The following ADAMTSL1 variants were observed in gnomAD, a reference collection of about 807,000 sequenced individuals.
ADAMTSL1 encodes ADAMTS like 1.
ADAMTSL1 carries 126 observed loss-of-function variants against 201.8 expected under a neutral mutation model. That is an observed-to-expected ratio of 0.62 (90% CI 0.54 to 0.72). ADAMTSL1 has a LOEUF of 0.72. ADAMTSL1 is among the 30% of genes least tolerant of loss of function. The probability of loss-of-function intolerance (pLI) is 0.00; values close to 1 mark genes in which losing one functional copy is unlikely to be tolerated. For synonymous variants in ADAMTSL1, 1,121 were observed against 903.4 expected, an observed-to-expected ratio of 1.24 and a Z score of -4.32; for missense variants, 2,679 against 2,277.8, an observed-to-expected ratio of 1.18 and a Z score of -3.59.
At chr9:18,473,203 G>T (rs1821288468), upstream of ADAMTSL1, among the ~76,000 whole-genome samples, 1 of 152,170 alleles carries the variant, frequency 6.6e-6, no homozygotes, top group Admixed American at 6.5e-5. Flanking sequence ...GAGGTGCGGA[G>T]GAAGCTGAAA....
At chr9:18,466,895 A>G (rs1408607155) in intron 2 of ADAMTSL1, among the ~76,000 whole-genome samples, 1 of 152,112 alleles carries the variant, frequency 6.6e-6, no homozygotes, top group South Asian at 2.1e-4. Context: ...CCGTGGTTTA[A>G]TTGCTGCTCT....
At chr9:18,161,430 G>C (rs1206987003) in intron 1 of ADAMTSL1, among the ~76,000 whole-genome samples, 1 of 151,990 alleles carries the variant, frequency 6.6e-6, no homozygotes, top group Admixed American at 6.6e-5. Flanking sequence ...CACCATTTTG[G>C]ATAATAGAAT....
chr9:18,384,100 A>T (rs77702125), intron 2 of ADAMTSL1, among the ~76,000 whole-genome samples: 5,969 of 152,188 alleles, frequency 0.039, 143 homozygotes, highest in Middle Eastern at 0.095. Flanking sequence ...GGCTATAAAG[A>T]CCTGATGCTG....
At chr9:18,406,894 C>A (rs1348590643) in intron 2 of ADAMTSL1, among the ~76,000 whole-genome samples, 2 of 151,950 alleles carry the variant, frequency 1.3e-5, no homozygotes, top group African/African-American at 4.8e-5. Flanking sequence ...AAACAGGGGT[C>A]ATAATAATAA....
At chr9:18,853,968 A>G (rs951387140) in intron 23 of ADAMTSL1, among the ~76,000 whole-genome samples, 1 of 151,150 alleles carries the variant, frequency 6.6e-6, no homozygotes, top group South Asian at 2.1e-4. Flanking sequence ...TACACGCAGG[A>G]TTTGTCTCCA....
At chr9:18,536,667 C>G (rs922502155) in intron 3 of ADAMTSL1, among the ~76,000 whole-genome samples, 2 of 152,120 alleles carry the variant, frequency 1.3e-5, no homozygotes, top group African/African-American at 4.8e-5. Flanking sequence ...CAGTTCCCTG[C>G]TCTATTCTAA....
In ADAMTSL1 at chr9:18,474,258, C is replaced by T. The variant is rs1197590057; in HGVS notation, c.26C>T (p.Pro9Leu). Residue 9 changes from proline to leucine, a missense_variant, in exon 1 of 29, where the codon CCT becomes CTT. Physicochemically the swap from Pro to Leu is moderately conservative, Grantham distance 98. Transcript: ENST00000380548. The part of the protein sequence containing the change: MECCRRAT[P>L]GTLLLFLAFL... ...ATGGAATGCTGCCGTCGGGCAACTC[C>T]TGGCACACTGCTCCTCTTTCTGGCT... 1.2e-6 allele frequency: 2 copies of T among 1,614,176 alleles called. No homozygotes were observed. Among genetic ancestry groups the T allele is most frequent in the Admixed American group, 1.7e-5 (1 of 60,020 alleles).
intron 1 of ADAMTSL1, among the ~76,000 whole-genome samples, chr9:18,138,863 G>A (rs1231064812): frequency 6.6e-6 from 1 of 152,102 alleles, no homozygotes; most frequent in Admixed American, 6.6e-5. Flanking sequence ...CAAGTGGATT[G>A]CACCATAGCC....
At chr9:18,038,100 GACC>G (rs1821280485) in intron 1 of ADAMTSL1, among the ~76,000 whole-genome samples, 1 of 152,190 alleles carries the variant, frequency 6.6e-6, no homozygotes, top group African/African-American at 2.4e-5. Flanking sequence ...GGATGTCACT[GACC>G]TGGCTTCCCG....
intron 3 of ADAMTSL1, among the ~76,000 whole-genome samples, chr9:18,538,227 T>C (rs1470627623): frequency 1.3e-5 from 2 of 152,016 alleles, no homozygotes; most frequent in Non-Finnish European, 2.9e-5. Flanking sequence ...AGGATTTGGG[T>C]ATGTTCTAGA....
chr9:18,180,535 A>G (rs1266129287), intron 2 of ADAMTSL1, among the ~76,000 whole-genome samples: 1 of 101,700 alleles, frequency 9.8e-6, no homozygotes, highest in African/African-American at 2.9e-5. Flanking sequence ...TCCGTGTCAA[A>G]AAAAAAAAAA....
chr9:18,844,251 A>T (rs1825935259), intron 23 of ADAMTSL1, among the ~76,000 whole-genome samples: 1 of 152,100 alleles, frequency 6.6e-6, no homozygotes. Context: ...TTTCCTTCTA[A>T]CAGACAGGAC....
At chr9:18,511,586 A>G (rs1242709119) in intron 2 of ADAMTSL1, among the ~76,000 whole-genome samples, 2 of 152,284 alleles carry the variant, frequency 1.3e-5, no homozygotes, top group African/African-American at 2.4e-5. Context: ...ATAAATACAG[A>G]AAAAGTAAAA....
chr9:18,123,447 C>T (rs535770120), intron 1 of ADAMTSL1, among the ~76,000 whole-genome samples: 9 of 152,240 alleles, frequency 5.9e-5, no homozygotes, highest in African/African-American at 2.2e-4. Flanking sequence ...GATCCCAGAG[C>T]AAATGAAGAG....
chr9:18,473,486 C>T (rs1160273524), upstream of ADAMTSL1, among the ~76,000 whole-genome samples: 1 of 151,988 alleles, frequency 6.6e-6, no homozygotes, highest in African/African-American at 2.4e-5. Context: ...GTTTTTTTCC[C>T]CCCAAATTAA....
At chr9:18,323,902 C>T (rs146507719) in intron 2 of ADAMTSL1, among the ~76,000 whole-genome samples, 76 of 152,208 alleles carry the variant, frequency 5.0e-4, no homozygotes, top group African/African-American at 1.7e-3. Context: ...TGCCAACTCT[C>T]CTCAAATTGA....
chr9:18,776,829 G>C lies in ADAMTSL1; in HGVS notation c.2600G>C (p.Arg867Thr), dbSNP rs900802938. The change falls in exon 19 of 29, where the codon AGG becomes ACG. Residue 867 changes from arginine to threonine, a missense_variant. By Grantham distance (71) the Arg-to-Thr change is moderately conservative. Transcript: ENST00000380548. ...CACAGCCCGCACATCGCGGCCGCCAGGAAGGTCTACATACAGACTCGCAGG... is the reference window on the plus strand; with the variant it reads ...CACAGCCCGCACATCGCGGCCGCCACGAAGGTCTACATACAGACTCGCAGG... ...TKHSPHIAAA[R>T]KVYIQTRRQR... 6.3e-7 allele frequency: 1 copy of C among 1,588,922 alleles called. No homozygotes were observed. The highest frequency in any genetic ancestry group is 1.1e-5 in the South Asian group (1 of 87,900).
chr9:18,601,624 T>G (rs1008028484), intron 4 of ADAMTSL1, among the ~76,000 whole-genome samples: 2 of 152,216 alleles, frequency 1.3e-5, no homozygotes, highest in African/African-American at 2.4e-5. Flanking sequence ...GCCAGGTCTG[T>G]AATTATTTTT....
intron 3 of ADAMTSL1, among the ~76,000 whole-genome samples, chr9:18,563,487 G>T (rs1432310866): frequency 2.6e-5 from 4 of 152,218 alleles, no homozygotes; most frequent in African/African-American, 9.6e-5. Context: ...GAGGCACAGG[G>T]GTTAGGGACC....
Sources: gnomAD v4.1 joint callset for allele counts (sites outside exome capture counted in the v4.1 genomes callset) on GRCh38, gnomAD v4.1.1 for gene constraint, MANE v1.5 for transcripts, NCBI Gene and HGNC (gene_info 2026-07-23, HGNC 2026-07-21) for gene names.